The following SPOCK3 variants were observed in gnomAD, a reference collection of about 807,000 sequenced individuals.
SPOCK3 encodes the protein testican-3.
A neutral mutation model predicts 56.6 loss-of-function variants in SPOCK3; 30 were observed. That is an observed-to-expected ratio of 0.53 (90% CI 0.40 to 0.72). SPOCK3 has a LOEUF of 0.72. Among genes scored for constraint, SPOCK3 ranks in the 30% least tolerant of loss-of-function variants. SPOCK3 has a pLI of 0.00. For synonymous variants in SPOCK3, 196 were observed against 183.3 expected, an observed-to-expected ratio of 1.07 and a Z score of -0.56; for missense variants, 527 against 530.0, an observed-to-expected ratio of 0.99 and a Z score of 0.06.
intron 4 of SPOCK3, among the ~76,000 whole-genome samples, chr4:166,950,502 C>T (rs1742436122): frequency 6.6e-6 from 1 of 151,672 alleles, no homozygotes; most frequent in Non-Finnish European, 1.5e-5. Flanking sequence ...TTTAACACCC[C>T]GCTGTCAACA....
At chr4:166,883,592 G>T (rs911225020) in intron 6 of SPOCK3, among the ~76,000 whole-genome samples, 5 of 152,162 alleles carry the variant, frequency 3.3e-5, no homozygotes, top group Non-Finnish European at 7.3e-5. Flanking sequence ...TCAAACTTGT[G>T]TCTGGTGTGG....
intron 2 of SPOCK3, among the ~76,000 whole-genome samples, chr4:167,128,539 G>A (rs1762467152): frequency 6.6e-6 from 1 of 152,078 alleles, no homozygotes; most frequent in Non-Finnish European, 1.5e-5. Flanking sequence ...CATATACTGT[G>A]GCCCAGAGAA....
chr4:166,998,502 G>A (rs1219743507), intron 4 of SPOCK3, among the ~76,000 whole-genome samples: 3 of 152,088 alleles, frequency 2.0e-5, no homozygotes, highest in Admixed American at 6.6e-5. Flanking sequence ...CTCTGGGGTC[G>A]ATCAGTACAG....
intron 2 of SPOCK3, among the ~76,000 whole-genome samples, chr4:167,075,404 A>G (rs1330200012): frequency 2.0e-5 from 3 of 151,928 alleles, no homozygotes; most frequent in African/African-American, 7.2e-5. Flanking sequence ...TCTGTGGACC[A>G]TTCTTTGAGC....
At chr4:166,775,475 C>T (rs1196789599) in intron 7 of SPOCK3, among the ~76,000 whole-genome samples, 4 of 151,978 alleles carry the variant, frequency 2.6e-5, no homozygotes, top group South Asian at 4.1e-4. Context: ...GTTTGAAATG[C>T]CTGTTGAACT....
chr4:166,737,333 C>G (rs1734311921), intron 10 of SPOCK3, 134 bp downstream of exon 10: 1 of 919,534 alleles, frequency 1.1e-6, no homozygotes, highest in African/African-American at 1.7e-5. Flanking sequence ...TTTTTTGTCA[C>G]TCCCTCCACC....
chr4:166,917,196 A>C (rs2127117503), intron 4 of SPOCK3, among the ~76,000 whole-genome samples: 1 of 152,360 alleles, frequency 6.6e-6, no homozygotes, highest in African/African-American at 2.4e-5. Flanking sequence ...TCATAAAAAT[A>C]AATGGTATAA....
rs1212151264 is a variant in SPOCK3 at position 167,116,640 on chromosome 4, GTA to G, written c.190-54105_190-54104del. Among the ~76,000 whole-genome samples the G allele has an allele frequency of 4.7e-4, 51 of 109,670 alleles. 1 individual carries two copies. The highest frequency in any genetic ancestry group is 6.8e-4 in the Admixed American group (6 of 8,874). 71.9% of individuals were successfully genotyped at this position (109,670 alleles called of 152,430 possible). ...ATATATATACATATATACTATATAC[GTA>G]TATATATACACATATATACGTATAT... On this transcript the variant is annotated intron_variant, in intron 2 of 10. Transcript: ENST00000357545.
intron 4 of SPOCK3, among the ~76,000 whole-genome samples, chr4:166,931,064 C>G (rs1489292681): frequency 3.3e-5 from 5 of 152,100 alleles, no homozygotes; most frequent in African/African-American, 1.2e-4. Flanking sequence ...TCACTGCAAC[C>G]TCCACTTACC....
chr4:166,802,667 G>A (rs779560216), intron 6 of SPOCK3, among the ~76,000 whole-genome samples: 11 of 152,048 alleles, frequency 7.2e-5, no homozygotes, highest in Non-Finnish European at 1.2e-4. Context: ...GGATTTGAAC[G>A]TAAGAATTTG....
chr4:167,069,354 G>A (rs1580193418), intron 2 of SPOCK3, among the ~76,000 whole-genome samples: 1 of 151,904 alleles, frequency 6.6e-6, no homozygotes, highest in African/African-American at 2.4e-5. Context: ...CCAACCATGT[G>A]AGAGAACCAT....
At chr4:167,049,075 C>T (rs1033651395) in intron 3 of SPOCK3, among the ~76,000 whole-genome samples, 2 of 150,804 alleles carry the variant, frequency 1.3e-5, no homozygotes, top group Non-Finnish European at 2.9e-5. Context: ...CAGCATATTC[C>T]AATGTATTTC....
chr4:166,754,632 C>T lies in SPOCK3; in HGVS notation c.807G>A (p.Glu269=). The T allele has an allele frequency of 6.2e-7, 1 of 1,613,752 alleles. No homozygotes were observed. Among genetic ancestry groups the T allele is most frequent in the East Asian group, 2.2e-5 (1 of 44,846 alleles). The change falls in exon 8 of 11, where the codon GAG becomes GAA. Residue 269 remains glutamate (E), a synonymous_variant. Transcript: ENST00000357545. ...TCTTATCAAGGTAAATGCTTCTGAG[C>T]TCTGACTGGTCCAATAGCAGGTCAT... is the stretch of plus-strand genomic sequence containing the variant. ...TNYDLLLDQS[E]LRSIYLDKNE... is the part of the protein sequence containing the mutation.
intron 2 of SPOCK3, among the ~76,000 whole-genome samples, chr4:167,225,822 T>C (rs1402483573): frequency 6.6e-6 from 1 of 151,998 alleles, no homozygotes; most frequent in Non-Finnish European, 1.5e-5. Context: ...TTCTGGCAAA[T>C]CTGATTTGCT....
At chr4:166,805,873 T>C (rs2126706416) in intron 6 of SPOCK3, among the ~76,000 whole-genome samples, 1 of 152,236 alleles carries the variant, frequency 6.6e-6, no homozygotes, top group African/African-American at 2.4e-5. Flanking sequence ...GTCAGAAAAT[T>C]GTTTACAATA....
chr4:166,956,119 T>C (rs1207589509), intron 4 of SPOCK3, among the ~76,000 whole-genome samples: 3 of 152,114 alleles, frequency 2.0e-5, no homozygotes, highest in Non-Finnish European at 1.5e-5. Flanking sequence ...TCTATGGTTA[T>C]ACATTAGTTC....
At chr4:167,008,931 A>T (rs1749735011) in intron 3 of SPOCK3, among the ~76,000 whole-genome samples, 1 of 151,878 alleles carries the variant, frequency 6.6e-6, no homozygotes. Context: ...TAGATGCTAA[A>T]CCCCAGCATT....
Position 166,994,059 on chromosome 4 carries a change from T to C in SPOCK3, c.350+6290A>G, listed in dbSNP as rs1457881116. Among the ~76,000 whole-genome samples, 9 of 152,200 alleles carry C rather than the reference T, an allele frequency of 5.9e-5. No individual in the cohort carries two copies. The East Asian group carries it at 1.7e-3, about 30-fold the overall frequency. On this transcript the variant is annotated intron_variant, in intron 4 of 10. Transcript: ENST00000357545. The stretch of plus-strand genomic sequence containing the variant: ...TCCGTCCAGCTTCAAATTACATCCA[T>C]TAACCATTATGCTGAAAAGCCTTCT...
At chr4:166,811,739 A>G (rs1272563879) in intron 6 of SPOCK3, among the ~76,000 whole-genome samples, 2 of 151,930 alleles carry the variant, frequency 1.3e-5, no homozygotes, top group Admixed American at 1.3e-4. Context: ...TATTTGCAAT[A>G]CAGTATACTT....
Sources: gnomAD v4.1 joint callset for allele counts (sites outside exome capture counted in the v4.1 genomes callset) on GRCh38, gnomAD v4.1.1 for gene constraint, MANE v1.5 for transcripts, NCBI Gene and HGNC (gene_info 2026-07-23, HGNC 2026-07-21) for gene names.